LMF1: variants seen among roughly 807,000 people sequenced by gnomAD.
LMF1 encodes the protein lipase maturation factor 1, also known as transmembrane protein 112.
LMF1 carries 68 observed loss-of-function variants against 60.6 expected under a neutral mutation model. That is an observed-to-expected ratio of 1.12 (90% confidence interval 0.92 to 1.37). The LOEUF (loss-of-function observed/expected upper bound fraction) is 1.37. Among genes scored for constraint, LMF1 ranks in the 40% most tolerant of loss-of-function variants. The pLI, the probability that LMF1 is intolerant of heterozygous loss-of-function variation, is 0.00. For synonymous variants in LMF1, 418 were observed against 324.7 expected, an observed-to-expected ratio of 1.29 and a Z score of -3.09; for missense variants, 948 against 767.2, an observed-to-expected ratio of 1.24 and a Z score of -2.78.
chr16:946,747 C>A (rs181732139), intron 2 of LMF1, among the ~76,000 whole-genome samples: 4 of 152,362 alleles, frequency 2.6e-5, no homozygotes, highest in Admixed American at 6.5e-5. Context: ...CATGCCCTGC[C>A]ATGGATTCCT....
chr16:978,762 GGT>G (rs2073250141), intron 1 of LMF1, among the ~76,000 whole-genome samples: 1 of 152,056 alleles, frequency 6.6e-6, no homozygotes, highest in South Asian at 2.1e-4. Flanking sequence ...AGGGGAGGAG[GGT>G]GTGTGTGCAG....
At chr16:875,725 G>GTT (rs2069953480) in intron 6 of LMF1, among the ~76,000 whole-genome samples, 2 of 152,112 alleles carry the variant, frequency 1.3e-5, no homozygotes, top group African/African-American at 2.4e-5. Flanking sequence ...TGTGTGTCCA[G>GTT]GGGTGCCCTT....
chr16:859,107 G>GTGATGTCTCGGGACGGGTGTGCAC (rs2069329147), intron 10 of LMF1, among the ~76,000 whole-genome samples: 20 of 126,028 alleles, frequency 1.6e-4, no homozygotes, highest in African/African-American at 7.0e-4. Context: ...CGGGTGTGCA[G>GTGATGTCTCGGGACGGGTGTGCAC]TGATGTCTCG....
In LMF1 at chr16:911,075, C is replaced by A; in HGVS notation, c.519G>T (p.Trp173Cys). ...NVGHVWYSFG[W>C]ESQLLETGFL... is the part of the protein sequence containing the mutation. ...ACCCCGTCTCCAGAAGCTGGGACTC[C>A]CATCCTAAAACAACGAGACATACCA... The change falls in exon 4 of 11, where the codon TGG becomes TGT. Residue 173 changes from tryptophan (W) to cysteine (C), a missense_variant. Physicochemically the swap from Trp to Cys is radical, Grantham distance 215. Coordinates refer to ENST00000262301, the MANE Select transcript of LMF1 (RefSeq NM_022773.4). The A allele has an allele frequency of 6.2e-7, 1 of 1,611,270 alleles. No homozygotes were observed. Among genetic ancestry groups the A allele is most frequent in the Non-Finnish European group, 8.5e-7 (1 of 1,179,046 alleles).
chr16:978,424 C>T (rs2073240228), intron 1 of LMF1, among the ~76,000 whole-genome samples: 1 of 152,130 alleles, frequency 6.6e-6, no homozygotes, highest in Non-Finnish European at 1.5e-5. Context: ...GTGGGGTGGT[C>T]TCTCATCTGG....
At position 874,073 on chromosome 16, in the gene LMF1, G is replaced by C. The variant is rs1222527374; in HGVS notation, c.898-2732C>G. On this transcript the variant is annotated intron_variant, in intron 6 of 10. Coordinates refer to ENST00000262301, the MANE Select transcript of LMF1 (RefSeq NM_022773.4). This position sits in a 1 kb window ranked among gnomAD's most constrained non-coding sequence, Gnocchi z 4.1. The stretch of plus-strand genomic sequence containing the variant: ...TGAGGGTCTCCTTTGCCGGGTGTGG[G>C]GGGGGTATGGGAAGTTCTGGAACCA... Among the ~76,000 whole-genome samples, 1 of 152,226 alleles carries C rather than the reference G, an allele frequency of 6.6e-6. No homozygotes were observed. Among genetic ancestry groups the C allele is most frequent in the Admixed American group, 6.5e-5 (1 of 15,290 alleles).
chr16:902,984 C>A (rs1249930322), intron 4 of LMF1, among the ~76,000 whole-genome samples: 2 of 56,088 alleles, frequency 3.6e-5, no homozygotes, highest in Non-Finnish European at 5.9e-5. Flanking sequence ...GTCTCTGCTG[C>A]GTGGTGGTGA....
rs116999886 is a variant in LMF1, at chr16:938,436, G to A, written c.504-4182C>T. ...CAGGGATGGGGCTGGATGGCAGCTC[G>A]TGGGGATGGCAGGGGTGGGGCTGGA... On this transcript the variant is annotated intron_variant, in intron 2 of 10. Transcript: ENST00000262301. 6.2e-3 allele frequency among the ~76,000 whole-genome samples: 945 copies of A among 152,180 alleles called. 5 individuals are homozygous for A. Among genetic ancestry groups the A allele is most frequent in the Non-Finnish European group, 9.4e-3 (640 of 68,002 alleles).
intron 5 of LMF1, among the ~76,000 whole-genome samples, chr16:889,177 G>C (rs904622943): frequency 1.3e-5 from 2 of 152,232 alleles, no homozygotes; most frequent in African/African-American, 4.8e-5. Flanking sequence ...CCACAGGCTT[G>C]TTGTCAGGAG....
intron 9 of LMF1, chr16:869,413 A>T (rs2069709748): frequency 1.8e-6 from 1 of 564,520 alleles, no homozygotes; most frequent in Non-Finnish European, 3.4e-6. Context: ...TGCCTCTGCT[A>T]CCCCCAGCCC....
chr16:860,664 T>TCAACGGG (rs2069435640), intron 10 of LMF1, among the ~76,000 whole-genome samples: 1 of 152,192 alleles, frequency 6.6e-6, no homozygotes, highest in Non-Finnish European at 1.5e-5. Flanking sequence ...GTCTTATGCT[T>TCAACGGG]TACGTTGAAG....
intron 1 of LMF1, among the ~76,000 whole-genome samples, chr16:978,198 TCACA>T (rs1474646883): frequency 1.4e-5 from 2 of 143,636 alleles, no homozygotes. Context: ...CACACATACA[TCACA>T]CACATCATAC....
intron 2 of LMF1, chr16:947,601 CT>C (rs2072270166): frequency 2.2e-6 from 1 of 456,050 alleles, no homozygotes; most frequent in South Asian, 1.5e-5. Context: ...AGGAGGACCC[CT>C]GAGGTGTCCT....
chr16:934,178 G>A (rs374463171), intron 3 of LMF1, 66 bp downstream of exon 3: 55 of 1,598,818 alleles, frequency 3.4e-5, no homozygotes, highest in African/African-American at 2.4e-4. Flanking sequence ...AAAAGTGCGT[G>A]AAGATACATA....
chr16:976,345 C>T (rs1164945447), intron 1 of LMF1: 2 of 454,002 alleles, frequency 4.4e-6, no homozygotes, highest in Non-Finnish European at 4.4e-6. Context: ...AGGCTGCGAT[C>T]TGTAGTCCAG....
At chr16:946,871 G>A (rs1045158125) in intron 2 of LMF1, among the ~76,000 whole-genome samples, 4 of 152,236 alleles carry the variant, frequency 2.6e-5, no homozygotes, top group African/African-American at 9.6e-5. Flanking sequence ...TCTGCCAGCT[G>A]TGTAAATGAC....
chr16:858,567 A>C (rs1347022275), intron 10 of LMF1, among the ~76,000 whole-genome samples: 2 of 19,492 alleles, frequency 1.0e-4, no homozygotes, highest in East Asian at 3.5e-3. Flanking sequence ...GACGGGTGTG[A>C]GTGGTGTCTC....
At chr16:981,204 C>G (rs2073348667) in exon 1 of LMF1, 2 of 454,964 alleles carry the variant, frequency 4.4e-6, no homozygotes, top group African/African-American at 4.0e-5. Flanking sequence ...CGCGGCGGAA[C>G]CGACCCTGTC....
rs1249435900 is a variant in LMF1, at chr16:888,833, G to C, written c.729+4174C>G. On this transcript the variant is annotated intron_variant, in intron 5 of 10. Transcript: ENST00000262301. Reference sequence around the variant, plus strand: ...GGACAGCTACATGGGGACCCCGGGAGAGGGATGCACAGGTGGGCAGCAGGG... The same window carrying C: ...GGACAGCTACATGGGGACCCCGGGACAGGGATGCACAGGTGGGCAGCAGGG... Among the ~76,000 whole-genome samples the C allele has an allele frequency of 3.3e-5, 5 of 152,326 alleles. 1 individual carries two copies. Among genetic ancestry groups the C allele is most frequent in the Middle Eastern group, 3.4e-3 (1 of 294 alleles).
Sources: allele counts gnomAD v4.1 joint callset (sites outside exome capture counted in the v4.1 genomes callset), GRCh38; gene constraint gnomAD v4.1.1; non-coding constraint Gnocchi (gnomAD v3.1); transcripts MANE v1.5; gene names NCBI Gene and HGNC (gene_info 2026-07-23, HGNC 2026-07-21).